The following NCKAP5 variants were observed in gnomAD, a reference collection of about 807,000 sequenced individuals.
The protein encoded by NCKAP5 is nck-associated protein 5.
In NCKAP5, 92 loss-of-function variants were observed where a neutral mutation model predicts 167.0. The observed-to-expected ratio is 0.55, with a 90% CI of 0.47 to 0.66. NCKAP5 has a LOEUF of 0.66. NCKAP5 is among the 30% of genes least tolerant of loss of function. The pLI, the probability that NCKAP5 is intolerant of heterozygous loss-of-function variation, is 0.00. For synonymous variants in NCKAP5, 891 were observed against 877.4 expected (o/e 1.02, Z -0.27); for missense variants, 2,378 against 2,315.0 (o/e 1.03, Z -0.56).
chr2:132,887,138 T>C (rs1044263775), intron 8 of NCKAP5, among the ~76,000 whole-genome samples: 1 of 152,176 alleles, frequency 6.6e-6, no homozygotes, highest in Non-Finnish European at 1.5e-5. Flanking sequence ...GATATGTAAA[T>C]ATCCAGAGTC....
At chr2:133,024,741 C>T (rs2078638517) in intron 6 of NCKAP5, among the ~76,000 whole-genome samples, 1 of 152,088 alleles carries the variant, frequency 6.6e-6, no homozygotes, top group South Asian at 2.1e-4. Flanking sequence ...CATAAAGAAA[C>T]CTGTTTTCTC....
intron 5 of NCKAP5, among the ~76,000 whole-genome samples, chr2:133,153,907 C>A (rs777907591): frequency 5.4e-5 from 8 of 147,248 alleles, no homozygotes; most frequent in Non-Finnish European, 1.0e-4. Flanking sequence ...GCAATCTCAG[C>A]TCACTGCAAC....
intron 2 of NCKAP5, chr2:133,556,842 AT>A (rs1687775549): frequency 6.6e-6 from 1 of 152,182 alleles, no homozygotes; most frequent in Non-Finnish European, 1.5e-5. Context: ...CCTCTAAAAG[AT>A]CTGAGTAAGT....
intron 6 of NCKAP5, among the ~76,000 whole-genome samples, chr2:133,013,487 C>T (rs189289863): frequency 6.6e-6 from 1 of 152,200 alleles, no homozygotes; most frequent in Non-Finnish European, 1.5e-5. Flanking sequence ...AGAGCTTGTG[C>T]AGGGAAATTC....
intron 6 of NCKAP5, among the ~76,000 whole-genome samples, chr2:133,106,930 T>C (rs570917897): frequency 1.3e-5 from 2 of 152,342 alleles, no homozygotes; most frequent in East Asian, 3.9e-4. Context: ...ACCAATCTTG[T>C]GGGTTTTCCA....
At chr2:132,721,597 C>T (rs1469070478) in intron 19 of NCKAP5, among the ~76,000 whole-genome samples, 1 of 152,204 alleles carries the variant, frequency 6.6e-6, no homozygotes, top group African/African-American at 2.4e-5. Context: ...CTGTTATTGT[C>T]TTTCTCCTGT....
intron 3 of NCKAP5, among the ~76,000 whole-genome samples, chr2:133,418,543 G>A (rs1441592967): frequency 6.6e-6 from 1 of 152,172 alleles, no homozygotes; most frequent in Non-Finnish European, 1.5e-5. Context: ...AAAAGAGAAG[G>A]ATCAGGGGAC....
intron 2 of NCKAP5, among the ~76,000 whole-genome samples, chr2:133,541,475 C>T (rs1342889340): frequency 6.6e-6 from 1 of 152,076 alleles, no homozygotes; most frequent in Non-Finnish European, 1.5e-5. Flanking sequence ...ATGGTAATTA[C>T]ATCACGATCC....
chr2:132,735,758 A>G (rs995594672), intron 16 of NCKAP5, among the ~76,000 whole-genome samples: 8 of 152,208 alleles, frequency 5.3e-5, no homozygotes, highest in Non-Finnish European at 8.8e-5. Flanking sequence ...AGCCTTTTTC[A>G]TTTTGGCAAT....
At chr2:133,220,951 T>G (rs528942832) in intron 4 of NCKAP5, among the ~76,000 whole-genome samples, 13 of 152,272 alleles carry the variant, frequency 8.5e-5, no homozygotes, top group African/African-American at 3.1e-4. Flanking sequence ...GATGCCCTGA[T>G]GGAAGAGCAG....
chr2:133,558,704 C>CAAAAAAAA (rs60051493), intron 2 of NCKAP5, among the ~76,000 whole-genome samples: 2,747 of 50,812 alleles, frequency 0.054, 708 homozygotes, highest in Admixed American at 0.083. Flanking sequence ...ATGTGCTGAG[C>CAAAAAAAA]AAAAAAAAAA....
chr2:133,297,166 AGTGTGTGTGTGTGT>A (rs60321858), intron 4 of NCKAP5, among the ~76,000 whole-genome samples: 20,054 of 142,132 alleles, frequency 0.14, 1,425 homozygotes, highest in South Asian at 0.18. Flanking sequence ...AGGTTGTCAC[AGTGTGTGTGTGTGT>A]GTGTGTGTGT....
chr2:133,657,704 T>G, the NCKAP5 span, among the ~76,000 whole-genome samples: 1 of 152,188 alleles, frequency 6.6e-6, no homozygotes, highest in Non-Finnish European at 1.5e-5. Context: ...GAAGTTACTG[T>G]GCAATGCAGC....
At chr2:132,920,464 C>G (rs879373649) in intron 8 of NCKAP5, among the ~76,000 whole-genome samples, 17 of 151,172 alleles carry the variant, frequency 1.1e-4, no homozygotes, top group Non-Finnish European at 2.2e-4. Flanking sequence ...AAAGGACCCC[C>G]TTTTGTTGAT....
the NCKAP5 span, among the ~76,000 whole-genome samples, chr2:133,655,024 T>G: frequency 6.6e-6 from 1 of 152,200 alleles, no homozygotes; most frequent in Admixed American, 6.5e-5. Flanking sequence ...CATTCAATCA[T>G]TTGGTTCTTT....
Position 132,677,817 on chromosome 2 carries a change from G to C in NCKAP5, c.5714-4512C>G, listed in dbSNP as rs113841604. On this transcript the variant is annotated intron_variant, in intron 19 of 19. Coordinates refer to ENST00000409261, the MANE Select transcript of NCKAP5 (RefSeq NM_207363.3). ...CCGTACATGGGTTATAAAAAGTTTTGACTTCCAAACTGCGTTCTAATCTAT... is the reference window on the plus strand; with the variant it reads ...CCGTACATGGGTTATAAAAAGTTTTCACTTCCAAACTGCGTTCTAATCTAT... 9.9e-3 allele frequency among the ~76,000 whole-genome samples: 1,511 copies of C among 152,086 alleles called. 22 individuals carry two copies. The highest frequency in any genetic ancestry group is 0.033 in the African/African-American group (1,358 of 41,474).
At chr2:132,802,712 C>T (rs942608350) in intron 11 of NCKAP5, among the ~76,000 whole-genome samples, 2 of 152,120 alleles carry the variant, frequency 1.3e-5, no homozygotes, top group Admixed American at 6.5e-5. Flanking sequence ...TTCACAGGTA[C>T]GCATAAGGAT....
intron 3 of NCKAP5, among the ~76,000 whole-genome samples, chr2:133,486,691 G>A (rs1303979605): frequency 2.0e-5 from 3 of 152,158 alleles, no homozygotes; most frequent in East Asian, 1.9e-4. Context: ...AGTGGTGAAC[G>A]TCTACAAATA....
chr2:133,520,712 C>T (rs138669861), intron 2 of NCKAP5, among the ~76,000 whole-genome samples: 4 of 152,234 alleles, frequency 2.6e-5, no homozygotes, highest in African/African-American at 9.6e-5. Context: ...GTCCAATCTG[C>T]CTATGTGGAA....
Sources: allele counts gnomAD v4.1 joint callset (sites outside exome capture counted in the v4.1 genomes callset), GRCh38; gene constraint gnomAD v4.1.1; transcripts MANE v1.5; gene names NCBI Gene and HGNC (gene_info 2026-07-23, HGNC 2026-07-21).